The following C21orf58 variants were observed in gnomAD, a reference collection of about 807,000 sequenced individuals.
C21orf58 encodes the protein uncharacterized protein C21orf58.
Under a neutral mutation model 35.8 loss-of-function variants are expected in C21orf58, and 34 were observed. The observed-to-expected ratio is 0.95, with a 90% confidence interval of 0.72 to 1.26. C21orf58 has a LOEUF of 1.26. Ranked by LOEUF, C21orf58 falls within the 50% of genes most tolerant of loss-of-function variation. The pLI is 0.00. For missense variants in C21orf58, 440 were observed against 414.3 expected (o/e 1.06, Z -0.54); for synonymous variants, 191 against 175.8 (o/e 1.09, Z -0.68).
intron 5 of C21orf58, among the ~76,000 whole-genome samples, chr21:46,311,913 A>G (rs1015324081): frequency 6.8e-6 from 1 of 148,144 alleles, no homozygotes; most frequent in Admixed American, 6.7e-5. Context: ...CCATTCATCC[A>G]CCCACCCATC....
At position 46,311,712 on chromosome 21, in the gene C21orf58, CAACCA is replaced by C. The variant is rs201072561; in HGVS notation, c.610-150_610-146del. The stretch of plus-strand genomic sequence containing the variant: ...CCATCCAACCAACCAACCAACCAAC[CAACCA>C]TCCACCCATCCATCCAACCAACCAT... On this transcript the variant is annotated intron_variant, in intron 5 of 7. Coordinates refer to ENST00000291691, the MANE Select transcript of C21orf58 (RefSeq NM_058180.5). The C allele has an allele frequency of 3.1e-3, 1,495 of 476,202 alleles. 20 individuals are homozygous for C. Among genetic ancestry groups the C allele is most frequent in the African/African-American group, 0.027 (1,366 of 51,358 alleles). 29.5% of individuals were successfully genotyped at this position (476,202 alleles called of 1,614,324 possible).
chr21:46,317,146 C>T (rs2146095662), intron 3 of C21orf58, 62 bp downstream of exon 3: 1 of 1,508,394 alleles, frequency 6.6e-7, no homozygotes, highest in Non-Finnish European at 9.1e-7. Flanking sequence ...GAGGTGGCTC[C>T]CCCTGGAGTG....
intron 3 of C21orf58, 38 bp from the exon 4 acceptor site, chr21:46,315,585 T>C: frequency 2.1e-6 from 3 of 1,399,916 alleles, no homozygotes; most frequent in Non-Finnish European, 2.0e-6. Context: ...AAGGAACGCG[T>C]AGAGGCTGTC....
At position 46,322,629 on chromosome 21, in the gene C21orf58, C is replaced by T. The variant is rs760497908; in HGVS notation, c.100+10G>A. The stretch of plus-strand genomic sequence containing the variant: ...CTGGGAACCAGGAGACCGCTGGACA[C>T]CCCGCTCACCACACAGAAGACTGTG... On this transcript the variant is annotated intron_variant, in intron 1 of 7. Transcript: ENST00000291691. The T allele has an allele frequency of 3.9e-6, 6 of 1,524,300 alleles. No homozygotes were observed. In the East Asian group the frequency reaches 9.7e-5, roughly 25 times the overall value. 94.4% of individuals were successfully genotyped at this position (1,524,300 alleles called of 1,614,324 possible). A position where few individuals can be genotyped will look rare whatever the true frequency, so the allele number is the denominator to read the frequency against.
At chr21:46,300,780 A>G (rs1289270038), downstream of C21orf58, 1 of 1,289,550 alleles carries the variant, frequency 7.8e-7, no homozygotes, top group Non-Finnish European at 1.0e-6. Context: ...AACTTCAGGA[A>G]TGAAAGAATC....
intron 4 of C21orf58, 103 bp from the exon 5 acceptor site, chr21:46,314,983 C>T (rs954496045): frequency 1.0e-5 from 16 of 1,550,034 alleles, no homozygotes; most frequent in African/African-American, 8.2e-5. Context: ...CAGGTACAGG[C>T]GCCTCTCCGG....
intron 6 of C21orf58, among the ~76,000 whole-genome samples, chr21:46,303,745 A>ATATATATAT (rs2082273893): frequency 2.5e-4 from 6 of 23,820 alleles, no homozygotes; most frequent in Admixed American, 8.1e-4. Flanking sequence ...ATATATATAT[A>ATATATATAT]TTTTTTTTTT....
chr21:46,319,119 TCCATGTAGGGAC>T (rs1798583250), intron 1 of C21orf58: 1 of 152,234 alleles, frequency 6.6e-6, no homozygotes, highest in Non-Finnish European at 1.5e-5. Context: ...CCAACCCACA[TCCATGTAGGGAC>T]CCTGAAGCTG....
intron 5 of C21orf58, among the ~76,000 whole-genome samples, chr21:46,312,735 T>C (rs1259164115): frequency 6.6e-6 from 1 of 152,158 alleles, no homozygotes; most frequent in Non-Finnish European, 1.5e-5. Context: ...TGGCTTTAAT[T>C]TGCATTTCCC....
In C21orf58 at chr21:46,322,743, C is replaced by CTA. The variant is rs2083218090; in HGVS notation, c.-7_-6dup. 7.4e-6 allele frequency: 11 copies of CTA among 1,493,050 alleles called. No homozygotes were observed. The highest frequency in any genetic ancestry group is 1.9e-4 in the Middle Eastern group (1 of 5,184). 92.5% of individuals were successfully genotyped at this position (1,493,050 alleles called of 1,614,324 possible). On this transcript the variant is annotated 5_prime_UTR_variant, in exon 1 of 8. The change creates a premature stop within an existing upstream ORF in the 5' untranslated region. Transcript: ENST00000291691. ...AGGGAGCCGAGATCGCGCCATTGCG[C>CTA]TATAGCCTGGGCGTCGCAGCGAGAC...
chr21:46,304,755 T>G (rs1312083064), intron 6 of C21orf58, among the ~76,000 whole-genome samples: 1 of 152,096 alleles, frequency 6.6e-6, no homozygotes, highest in Non-Finnish European at 1.5e-5. Context: ...TGCGTTCCAT[T>G]AGAGGGCAAA....
intron 1 of C21orf58, among the ~76,000 whole-genome samples, chr21:46,321,180 T>TA (rs537931767): frequency 7.2e-5 from 11 of 151,962 alleles, no homozygotes; most frequent in South Asian, 6.2e-4. Flanking sequence ...ATATATATAT[T>TA]TTTTTTGAGA....
intron 1 of C21orf58, among the ~76,000 whole-genome samples, chr21:46,321,463 CCAT>C (rs1244872649): frequency 2.6e-5 from 4 of 152,208 alleles, no homozygotes; most frequent in Non-Finnish European, 5.9e-5. Context: ...AATGTGGTAT[CCAT>C]CAGAACACCC....
chr21:46,320,516 A>G (rs1372605790), intron 1 of C21orf58: 6 of 105,592 alleles, frequency 5.7e-5, no homozygotes, highest in African/African-American at 2.0e-4. Context: ...CCACCTCAAA[A>G]AAAAAAAAAA....
chr21:46,323,862 G>A lies in C21orf58; in HGVS notation c.-1124C>T. 2.7e-6 allele frequency: 1 copy of A among 374,734 alleles called. No homozygotes were observed. The allele number at this position is 374,734 out of a possible 1,614,324, so 23.2% of individuals were successfully genotyped here. ...GCCGCCCGCGCGGGACCAGCAGCGCGAACTTTTTGCCGCTCGGCCAGCCTG... is the reference window on the plus strand; with the variant it reads ...GCCGCCCGCGCGGGACCAGCAGCGCAAACTTTTTGCCGCTCGGCCAGCCTG... On this transcript the variant is annotated 5_prime_UTR_variant, in exon 1 of 8. Transcript: ENST00000291691.
chr21:46,309,680 G>T (rs563675279), intron 6 of C21orf58, among the ~76,000 whole-genome samples: 32 of 152,146 alleles, frequency 2.1e-4, no homozygotes, highest in Non-Finnish European at 1.5e-5. Context: ...AGTACATACT[G>T]TGTAGACCAT....
At chr21:46,304,563 G>C (rs1242031558) in intron 6 of C21orf58, among the ~76,000 whole-genome samples, 8 of 151,984 alleles carry the variant, frequency 5.3e-5, no homozygotes, top group Non-Finnish European at 1.2e-4. Flanking sequence ...AATTAAACCA[G>C]AATGAACTTC....
chr21:46,322,365 C>G, intron 1 of C21orf58: 1 of 839,062 alleles, frequency 1.2e-6, no homozygotes, highest in South Asian at 5.4e-5. Context: ...TCCACAGAAA[C>G]GACTCTGGGG....
intron 6 of C21orf58, among the ~76,000 whole-genome samples, chr21:46,309,720 G>A (rs2082586821): frequency 6.6e-6 from 1 of 152,184 alleles, no homozygotes; most frequent in African/African-American, 2.4e-5. Context: ...ATGCAGGCCA[G>A]GCATGGTGGC....
Sources: gnomAD v4.1 joint callset for allele counts (sites outside exome capture counted in the v4.1 genomes callset) on GRCh38, gnomAD v4.1.1 for gene constraint, MANE v1.5 for transcripts, NCBI Gene and HGNC (gene_info 2026-07-23, HGNC 2026-07-21) for gene names.